The following TMEM218 variants were observed in gnomAD, a reference collection of about 807,000 sequenced individuals.
TMEM218 encodes transmembrane protein 218.
A neutral mutation model predicts 10.0 loss-of-function variants in TMEM218; 8 were observed. The ratio of observed to expected loss-of-function variants is 0.80; its 90% confidence interval spans 0.47 to 1.44. The LOEUF (loss-of-function observed/expected upper bound fraction) is 1.44. Among genes scored for constraint, TMEM218 ranks in the 40% most tolerant of loss-of-function variants. The pLI is 0.00. For synonymous variants in TMEM218, 66 were observed against 63.5 expected (o/e 1.04, Z -0.18); for missense variants, 110 against 140.1 (o/e 0.79, Z 1.08).
chr11:125,097,540 G>A lies in TMEM218; in HGVS notation c.*66C>T. On this transcript the variant is annotated 3_prime_UTR_variant, in exon 5 of 5. Coordinates refer to ENST00000682305, the MANE Select transcript of TMEM218 (RefSeq NM_001258244.2). ...CTGTCAAAACAAGGCTCTGAATAGT[G>A]CCTTCCTGCTCATCAATGTCATCAC... 3 of 1,575,184 alleles carry A rather than the reference G, an allele frequency of 1.9e-6. No individual in the cohort carries two copies. Among genetic ancestry groups the A allele is most frequent in the Middle Eastern group, 1.7e-4 (1 of 5,896 alleles).
At chr11:125,105,448 A>G (rs1245315944) in intron 1 of TMEM218, among the ~76,000 whole-genome samples, 2 of 152,356 alleles carry the variant, frequency 1.3e-5, no homozygotes, top group African/African-American at 4.8e-5. Flanking sequence ...TCAGAGACAT[A>G]CTTCAGCAAG....
At position 125,102,792 on chromosome 11, in the gene TMEM218, G is replaced by T; in HGVS notation, c.-135C>A. On this transcript the variant is annotated 5_prime_UTR_variant, in exon 2 of 5. Transcript: ENST00000682305. ...TCTGTTGTCGAGTTCTTATTCAAGA[G>T]GATGAAAACTCCCAGTCCTTAAAGA... 1 of 1,100,214 alleles carries T rather than the reference G, an allele frequency of 9.1e-7. No homozygotes were observed. The highest frequency in any genetic ancestry group is 1.2e-6 in the Non-Finnish European group (1 of 831,390). 68.2% of individuals were successfully genotyped at this position (1,100,214 alleles called of 1,614,324 possible). A position where few individuals can be genotyped will look rare whatever the true frequency, so the allele number is the denominator to read the frequency against.
In TMEM218 at chr11:125,097,377, A is replaced by G. The variant is rs1318142058; in HGVS notation, c.*229T>C. The G allele has an allele frequency of 2.4e-6, 1 of 418,818 alleles. No homozygotes were observed. 25.9% of individuals were successfully genotyped at this position (418,818 alleles called of 1,614,324 possible). Reference sequence around the variant, plus strand: ...GAAATCCTAAGGTACGGGTACTAAGAAGATAGCAATATCCTTCTTAAGCTG... The same window carrying G: ...GAAATCCTAAGGTACGGGTACTAAGGAGATAGCAATATCCTTCTTAAGCTG... On this transcript the variant is annotated 3_prime_UTR_variant, in exon 5 of 5. Coordinates refer to ENST00000682305, the MANE Select transcript of TMEM218 (RefSeq NM_001258244.2).
At chr11:125,102,507 G>T (rs1951050182) in intron 2 of TMEM218, 190 bp from the exon 3 acceptor site, 1 of 1,452,894 alleles carries the variant, frequency 6.9e-7, no homozygotes, top group East Asian at 2.7e-5. Flanking sequence ...GACTGAGAGG[G>T]TGTTTTCCGC....
chr11:125,102,094 G>A, intron 3 of TMEM218, 38 bp downstream of exon 3: 1 of 1,495,130 alleles, frequency 6.7e-7, no homozygotes, highest in South Asian at 1.4e-5. Flanking sequence ...GCCTCTAATT[G>A]CTTTACCTAG....
Position 125,111,234 on chromosome 11 carries a change from C to T in TMEM218, c.-153+305G>A, listed in dbSNP as rs574729215. Among the ~76,000 whole-genome samples the T allele has an allele frequency of 3.3e-5, 5 of 152,258 alleles. No homozygotes were observed. The South Asian group carries it at 1.0e-3, about 32-fold the overall frequency. The stretch of plus-strand genomic sequence containing the variant: ...TCAAACTGGCGACAGGAAAACAATG[C>T]CCCCCATGTCTCGTCTTCAGAATGT... On this transcript the variant is annotated intron_variant, in intron 1 of 4. Coordinates refer to ENST00000682305, the MANE Select transcript of TMEM218 (RefSeq NM_001258244.2).
At chr11:125,105,758 AG>A (rs1951969103) in intron 1 of TMEM218, among the ~76,000 whole-genome samples, 1 of 147,760 alleles carries the variant, frequency 6.8e-6, no homozygotes, top group African/African-American at 2.4e-5. Flanking sequence ...CTTCTATACT[AG>A]TAAAGTGAAA....
intron 1 of TMEM218, among the ~76,000 whole-genome samples, chr11:125,105,425 G>C (rs142044934): frequency 5.3e-4 from 81 of 152,296 alleles, no homozygotes; most frequent in African/African-American, 1.9e-3. Context: ...AGGATCCTCA[G>C]TGAAAGGGCT....
chr11:125,099,816 C>A (rs952583647), intron 4 of TMEM218, among the ~76,000 whole-genome samples: 1 of 148,272 alleles, frequency 6.7e-6, no homozygotes, highest in Non-Finnish European at 1.5e-5. Flanking sequence ...CTCAGCTACT[C>A]GGGAGGCTGA....
intron 3 of TMEM218, 98 bp from the exon 4 acceptor site, chr11:125,101,401 G>A (rs760746220): frequency 2.2e-5 from 34 of 1,511,924 alleles, no homozygotes; most frequent in Non-Finnish European, 3.0e-5. Context: ...AATATTCTAT[G>A]TTTCAGTCCC....
intron 1 of TMEM218, among the ~76,000 whole-genome samples, chr11:125,107,936 C>A (rs535243316): frequency 3.0e-4 from 44 of 148,572 alleles, no homozygotes; most frequent in Middle Eastern, 3.5e-3. Context: ...ATAAAGCAGA[C>A]CTGAACAGAG....
intron 3 of TMEM218, chr11:125,101,785 T>C: frequency 2.1e-6 from 1 of 477,798 alleles, no homozygotes; most frequent in South Asian, 4.5e-5. Context: ...GTTGCTTTCG[T>C]TTTCCTGGGT....
intron 4 of TMEM218, among the ~76,000 whole-genome samples, chr11:125,100,575 T>C (rs185260611): frequency 6.6e-6 from 1 of 152,318 alleles, no homozygotes; most frequent in African/African-American, 2.4e-5. Context: ...CAAGATCCCA[T>C]GGGTCTGAGA....
rs141907673 is a variant in TMEM218 at position 125,108,079 on chromosome 11, C to T, written c.-153+3460G>A. Among the ~76,000 whole-genome samples the T allele has an allele frequency of 1.7e-3, 258 of 152,254 alleles. No individual in the cohort carries two copies. Among genetic ancestry groups the T allele is most frequent in the Non-Finnish European group, 3.0e-3 (201 of 67,998 alleles). On this transcript the variant is annotated intron_variant, in intron 1 of 4. Coordinates refer to ENST00000682305, the MANE Select transcript of TMEM218 (RefSeq NM_001258244.2). The surrounding 1 kb of genome is among the most constrained non-coding windows in gnomAD (Gnocchi z 5.3). Reference sequence around the variant, plus strand: ...GGAACTTGAAAACGGATCCTAAATTCATATGGAAGAGCAAAAACCCAAGAA... The same window carrying T: ...GGAACTTGAAAACGGATCCTAAATTTATATGGAAGAGCAAAAACCCAAGAA...
rs1174447760 is a variant in TMEM218, at chr11:125,102,308, G to C, written c.-67C>G. The C allele has an allele frequency of 6.3e-7, 1 of 1,577,248 alleles. No individual in the cohort carries two copies. Among genetic ancestry groups the C allele is most frequent in the Non-Finnish European group, 8.6e-7 (1 of 1,163,432 alleles). ...ACGATCGAGTGTCCTCTGTGCTCCAGTGCAACACACTCCCGTGAAAGCATT... is the reference window on the plus strand; with the variant it reads ...ACGATCGAGTGTCCTCTGTGCTCCACTGCAACACACTCCCGTGAAAGCATT... On this transcript the variant is annotated 5_prime_UTR_variant, in exon 3 of 5. Transcript: ENST00000682305.
At chr11:125,107,217 G>A (rs1314991569) in intron 1 of TMEM218, among the ~76,000 whole-genome samples, 1 of 152,148 alleles carries the variant, frequency 6.6e-6, no homozygotes, top group Non-Finnish European at 1.5e-5. Flanking sequence ...GAGGTTCAGG[G>A]AGATGCTGAT....
intron 1 of TMEM218, among the ~76,000 whole-genome samples, chr11:125,110,215 G>T (rs1953459269): frequency 6.6e-6 from 1 of 152,046 alleles, no homozygotes; most frequent in African/African-American, 2.4e-5. Context: ...ATATAAAAAC[G>T]GGTTCATGCC....
At chr11:125,109,623 G>C (rs1953215529) in intron 1 of TMEM218, among the ~76,000 whole-genome samples, 1 of 152,150 alleles carries the variant, frequency 6.6e-6, no homozygotes, top group Non-Finnish European at 1.5e-5. Flanking sequence ...TATGAATTGG[G>C]TGACCAGTTA....
intron 1 of TMEM218, among the ~76,000 whole-genome samples, chr11:125,107,883 G>T (rs568982807): frequency 5.2e-5 from 5 of 96,780 alleles, no homozygotes; most frequent in Non-Finnish European, 1.1e-4. Flanking sequence ...CTTTATCAAA[G>T]ACAAAAAAAA....
Sources: gnomAD v4.1 joint callset for allele counts (sites outside exome capture counted in the v4.1 genomes callset) on GRCh38, gnomAD v4.1.1 for gene constraint, Gnocchi (gnomAD v3.1) non-coding constraint, MANE v1.5 for transcripts, NCBI Gene and HGNC (gene_info 2026-07-23, HGNC 2026-07-21) for gene names.